The following RTN4RL2 variants were observed in gnomAD, a reference collection of about 807,000 sequenced individuals.
RTN4RL2 encodes reticulon-4 receptor-like 2.
In RTN4RL2, 9 loss-of-function variants were observed where a neutral mutation model predicts 27.8. That is an observed-to-expected ratio of 0.32 (90% CI 0.20 to 0.57). RTN4RL2 has a LOEUF of 0.57. Ranked by LOEUF, RTN4RL2 falls within the 20% of genes least tolerant of loss-of-function variation. The probability of loss-of-function intolerance (pLI) is 0.90; values close to 1 mark genes in which losing one functional copy is unlikely to be tolerated. For synonymous variants in RTN4RL2, 285 were observed against 297.9 expected, an observed-to-expected ratio of 0.96 and a Z score of 0.45; for missense variants, 436 against 596.8, an observed-to-expected ratio of 0.73 and a Z score of 2.81.
chr11:57,468,100 C>T lies in RTN4RL2; in HGVS notation c.513+10C>T. ...CCTGCTCCACCTACAGGTGAGCCTG[C>T]CCTGCCCCCACCCTCAGCCCCTTTC... On this transcript the variant is annotated intron_variant, in intron 2 of 2. Transcript: ENST00000335099. 6.3e-7 allele frequency: 1 copy of T among 1,579,178 alleles called. No homozygotes were observed.
intron 1 of RTN4RL2, among the ~76,000 whole-genome samples, chr11:57,463,106 TC>T (rs1437907594): frequency 2.0e-5 from 3 of 152,208 alleles, no homozygotes; most frequent in Non-Finnish European, 4.4e-5. Context: ...GGGCTTGATG[TC>T]CCTCTTTTCC....
At chr11:57,461,220 G>A (rs1943482077) in intron 1 of RTN4RL2, among the ~76,000 whole-genome samples, 1 of 152,164 alleles carries the variant, frequency 6.6e-6, no homozygotes, top group African/African-American at 2.4e-5. Context: ...ACTCGGGCCG[G>A]CTGGGGAAGC....
chr11:57,465,990 ATTTTTTTTTTT>A (rs35174184), intron 1 of RTN4RL2, among the ~76,000 whole-genome samples: 53 of 77,902 alleles, frequency 6.8e-4, no homozygotes, highest in African/African-American at 2.9e-3. Context: ...CATGCCTACA[ATTTTTTTTTTT>A]TTTTTTTTTT....
intron 2 of RTN4RL2, chr11:57,468,828 TGGAA>T (rs1233242297): frequency 8.8e-7 from 1 of 1,139,926 alleles, no homozygotes; most frequent in Non-Finnish European, 1.3e-6. Flanking sequence ...GCTCTGAAAA[TGGAA>T]GGAATACCAG....
At chr11:57,465,466 A>T (rs977114940) in intron 1 of RTN4RL2, among the ~76,000 whole-genome samples, 2 of 152,162 alleles carry the variant, frequency 1.3e-5, no homozygotes, top group African/African-American at 4.8e-5. Flanking sequence ...AGAGTGCAGA[A>T]ACAAGTCTTC....
At position 57,476,664 on chromosome 11, in the gene RTN4RL2, C is replaced by T; in HGVS notation, c.1016C>T (p.Ala339Val). The T allele has an allele frequency of 1.4e-6, 2 of 1,408,350 alleles. No homozygotes were observed. The highest frequency in any genetic ancestry group is 1.8e-6 in the Non-Finnish European group (2 of 1,089,576). 87.2% of individuals were successfully genotyped at this position (1,408,350 alleles called of 1,614,324 possible). The change falls in exon 3 of 3, where the codon GCG (alanine) becomes GTG (valine). Residue 339 changes from alanine (A) to valine (V), a missense_variant. By Grantham distance (64) the Ala-to-Val change is moderately conservative. Around this residue, in one of 3 missense-constraint regions of RTN4RL2, gnomAD observed 365 missense variants for 530.5 expected, o/e 0.69. Transcript: ENST00000335099. The surrounding 1 kb of genome is among the most constrained non-coding windows in gnomAD (Gnocchi z 8.2). ...NHLYGVAEAG[A>V]PPADPSTLYR... Reference sequence around the variant, plus strand: ...CTGTACGGGGTGGCCGAGGCCGGGGCGCCCCCAGCCGATCCCTCCACCCTC... The same window carrying T: ...CTGTACGGGGTGGCCGAGGCCGGGGTGCCCCCAGCCGATCCCTCCACCCTC...
intron 2 of RTN4RL2, chr11:57,468,661 T>C: frequency 6.5e-7 from 1 of 1,536,436 alleles, no homozygotes; most frequent in Non-Finnish European, 8.7e-7. Flanking sequence ...CCACAGCCAC[T>C]GGCATCCCAC....
rs1315030294 is a variant in RTN4RL2, at chr11:57,460,876, G to A, written c.11G>A (p.Gly4Glu). 1.4e-6 allele frequency: 2 copies of A among 1,408,298 alleles called. No individual in the cohort carries two copies. The highest frequency in any genetic ancestry group is 1.5e-5 in the African/African-American group (1 of 67,224). The allele number at this position is 1,408,298 out of a possible 1,614,324, so 87.2% of individuals were successfully genotyped here. ...GAGCATCGAGACAAGATGCTGCCCGGGCTCAGGCGCCTGCTGCAAGGTAAG... is the reference window on the plus strand; with the variant it reads ...GAGCATCGAGACAAGATGCTGCCCGAGCTCAGGCGCCTGCTGCAAGGTAAG... MLP[G>E]LRRLLQAPAS... The change falls in exon 1 of 3, where the codon GGG becomes GAG. Residue 4 changes from glycine to glutamate, a missense_variant. Around this residue, in one of 3 missense-constraint regions of RTN4RL2, gnomAD observed 365 missense variants for 530.5 expected, o/e 0.69. Transcript: ENST00000335099.
chr11:57,464,830 C>T (rs566325184), intron 1 of RTN4RL2, among the ~76,000 whole-genome samples: 4 of 152,330 alleles, frequency 2.6e-5, no homozygotes, highest in South Asian at 4.1e-4. Flanking sequence ...AGACATTGCT[C>T]CTCCACCCCA....
intron 2 of RTN4RL2, chr11:57,468,796 G>T (rs1191372853): frequency 2.1e-6 from 3 of 1,446,386 alleles, no homozygotes; most frequent in Non-Finnish European, 2.8e-6. Flanking sequence ...GTAAATCTCT[G>T]TTATGCAGCT....
chr11:57,476,390 G>A lies in RTN4RL2; in HGVS notation c.742G>A (p.Ala248Thr), dbSNP rs750133481. 7.5e-6 allele frequency: 12 copies of A among 1,605,560 alleles called. No individual in the cohort carries two copies. The Admixed American group carries it at 1.2e-4, about 16-fold the overall frequency. ...SLASLPGEAL[A>T]DLPSLEFLRL... is the part of the protein sequence containing the mutation. ...GGCCTCGCTGCCCGGCGAGGCGCTC[G>A]CCGACCTGCCCTCGCTCGAGTTCCT... is the stretch of plus-strand genomic sequence containing the variant. The change falls in exon 3 of 3, where the codon GCC becomes ACC. Residue 248 changes from alanine to threonine, a missense_variant. Ala to Thr is a moderately conservative substitution (Grantham distance 58, BLOSUM62 0). Coordinates refer to ENST00000335099, the MANE Select transcript of RTN4RL2 (RefSeq NM_178570.3). This position sits in a 1 kb window ranked among gnomAD's most constrained non-coding sequence, Gnocchi z 8.2.
In RTN4RL2 at chr11:57,476,687, C is replaced by T; in HGVS notation, c.1039C>T (p.Leu347Phe). ...GGCGCCCCCAGCCGATCCCTCCACC[C>T]TCTACCGAGATCTGCCTGCCGAAGA... The part of the protein sequence containing the change: ...AGAPPADPST[L>F]YRDLPAEDSR... The change falls in exon 3 of 3, where the codon CTC (leucine) becomes TTC (phenylalanine). Residue 347 changes from leucine (L) to phenylalanine (F), a missense_variant. Around this residue, in one of 3 missense-constraint regions of RTN4RL2, gnomAD observed 365 missense variants for 530.5 expected, o/e 0.69. Coordinates refer to ENST00000335099, the MANE Select transcript of RTN4RL2 (RefSeq NM_178570.3). The surrounding 1 kb of genome is among the most constrained non-coding windows in gnomAD (Gnocchi z 8.2). 1 of 1,438,488 alleles carries T rather than the reference C, an allele frequency of 7.0e-7. No individual in the cohort carries two copies. The highest frequency in any genetic ancestry group is 9.0e-7 in the Non-Finnish European group (1 of 1,105,436). 89.1% of individuals were successfully genotyped at this position (1,438,488 alleles called of 1,614,324 possible).
In RTN4RL2 at chr11:57,476,550, C is replaced by A; in HGVS notation, c.902C>A (p.Ala301Glu). 1.4e-6 allele frequency: 2 copies of A among 1,402,418 alleles called. No individual in the cohort carries two copies. The highest frequency in any genetic ancestry group is 1.8e-6 in the Non-Finnish European group (2 of 1,087,104). 86.9% of individuals were successfully genotyped at this position (1,402,418 alleles called of 1,614,324 possible). ...PPERQGRDLR[A>E]LREADFQACP... is the part of the protein sequence containing the mutation. ...GAGCGCCAGGGCCGAGACCTGCGCG[C>A]GCTCCGCGAGGCCGACTTCCAGGCG... Residue 301 changes from alanine to glutamate, a missense_variant, in exon 3 of 3, where the codon GCG (alanine) becomes GAG (glutamate). This residue lies in a region of RTN4RL2 where 365 missense variants were observed against 530.5 expected (regional missense o/e 0.69). Coordinates refer to ENST00000335099, the MANE Select transcript of RTN4RL2 (RefSeq NM_178570.3). The surrounding 1 kb of genome is among the most constrained non-coding windows in gnomAD (Gnocchi z 8.2).
intron 2 of RTN4RL2, among the ~76,000 whole-genome samples, chr11:57,470,255 C>A (rs1471604237): frequency 2.0e-5 from 3 of 149,824 alleles, no homozygotes; most frequent in Admixed American, 6.7e-5. Flanking sequence ...TAATAATAAT[C>A]TTTTTTTTTT....
In RTN4RL2 at chr11:57,476,749, GGAC is replaced by G; in HGVS notation, c.1105_1107del (p.Asp369del). On this transcript the variant is annotated inframe_deletion, in exon 3 of 3. Transcript: ENST00000335099. This position sits in a 1 kb window ranked among gnomAD's most constrained non-coding sequence, Gnocchi z 8.2. Reference sequence around the variant, plus strand: ...GCCAGGGCGGGGACGCGCCTACTGAGGACGACTACTGGGGGGGCTACGGGGGTG... The same window carrying G: ...GCCAGGGCGGGGACGCGCCTACTGAGGACTACTGGGGGGGCTACGGGGGTG... 6.9e-7 allele frequency: 1 copy of G among 1,457,178 alleles called. No homozygotes were observed. The highest frequency in any genetic ancestry group is 2.6e-5 in the Admixed American group (1 of 38,038). 90.3% of individuals were successfully genotyped at this position (1,457,178 alleles called of 1,614,324 possible).
At chr11:57,462,435 G>A (rs1262389629) in intron 1 of RTN4RL2, among the ~76,000 whole-genome samples, 3 of 152,076 alleles carry the variant, frequency 2.0e-5, no homozygotes, top group Non-Finnish European at 2.9e-5. Context: ...CTTGCTTCTC[G>A]TCTGGGACCC....
intron 1 of RTN4RL2, among the ~76,000 whole-genome samples, chr11:57,466,608 AC>A (rs1295871269): frequency 1.3e-5 from 2 of 152,076 alleles, no homozygotes; most frequent in Non-Finnish European, 2.9e-5. Flanking sequence ...TAGAGACCCG[AC>A]CCTTAAGGCC....
rs1370570622 is a variant in RTN4RL2, at chr11:57,476,216, C to A, written c.568C>A (p.Arg190Ser). ...GAGCCACCTCTTCCTCCACGGGAACCGCCTGCGGCTGCTCACAGAGCACGT... is the reference window on the plus strand; with the variant it reads ...GAGCCACCTCTTCCTCCACGGGAACAGCCTGCGGCTGCTCACAGAGCACGT... ...NLSHLFLHGN[R>S]LRLLTEHVFR... Residue 190 changes from arginine to serine, a missense_variant, in exon 3 of 3, where the codon CGC (arginine) becomes AGC (serine). Physicochemically the swap from Arg to Ser is moderately radical, Grantham distance 110 (BLOSUM62 -1). Coordinates refer to ENST00000335099, the MANE Select transcript of RTN4RL2 (RefSeq NM_178570.3). The surrounding 1 kb of genome is among the most constrained non-coding windows in gnomAD (Gnocchi z 8.2). The A allele has an allele frequency of 3.7e-6, 6 of 1,611,892 alleles. No individual in the cohort carries two copies. The highest frequency in any genetic ancestry group is 5.1e-6 in the Non-Finnish European group (6 of 1,179,142).
chr11:57,477,021 TTCCCC>T lies in RTN4RL2; in HGVS notation c.*115_*119del. ...CCTTCCCTGGCCTTGCTGCCTCCCT[TTCCCC>T]TCCCAGCTCCTCTCCTCCCCGGGGA... On this transcript the variant is annotated 3_prime_UTR_variant, in exon 3 of 3. Transcript: ENST00000335099. 8.8e-7 allele frequency: 1 copy of T among 1,130,408 alleles called. No homozygotes were observed. The highest frequency in any genetic ancestry group is 1.6e-5 in the South Asian group (1 of 61,980). 70.0% of individuals were successfully genotyped at this position (1,130,408 alleles called of 1,614,324 possible). A position where few individuals can be genotyped will look rare whatever the true frequency, so the allele number is the denominator to read the frequency against.
Sources: gnomAD v4.1 joint callset for allele counts (sites outside exome capture counted in the v4.1 genomes callset) on GRCh38, gnomAD v4.1.1 for gene constraint, gnomAD v4.1.1 regional missense constraint, Gnocchi (gnomAD v3.1) non-coding constraint, MANE v1.5 for transcripts, NCBI Gene and HGNC (gene_info 2026-07-23, HGNC 2026-07-21) for gene names.